Variants in MEI4 observed in about 807,000 individuals in gnomAD.
MEI4 encodes meiotic double-stranded break formation protein 4, also known as meiosis-specific protein MEI4.
Under a neutral mutation model 31.4 loss-of-function variants are expected in MEI4, and 27 were observed. That is an observed-to-expected ratio of 0.86 (90% CI 0.63 to 1.19). The LOEUF is 1.19. MEI4 is among the 50% of genes most tolerant of loss of function. The probability of loss-of-function intolerance (pLI) is 0.00; values close to 1 mark genes in which losing one functional copy is unlikely to be tolerated. For missense variants in MEI4, 329 were observed against 398.9 expected (o/e 0.82, Z 1.49); for synonymous variants, 122 against 145.4 (o/e 0.84, Z 1.16).
intron 4 of MEI4, among the ~76,000 whole-genome samples, chr6:77,882,364 A>T (rs1223020338): frequency 6.6e-6 from 1 of 152,166 alleles, no homozygotes; most frequent in East Asian, 1.9e-4. Flanking sequence ...AATCTCCATC[A>T]TTTCCACATT....
chr6:77,665,550 G>A (rs1181686716), intron 1 of MEI4, among the ~76,000 whole-genome samples: 2 of 152,188 alleles, frequency 1.3e-5, no homozygotes, highest in African/African-American at 4.8e-5. Context: ...CCCCAGAAGA[G>A]CGGGATTTGC....
chr6:77,653,890 G>A (rs1056423579), intron 1 of MEI4, among the ~76,000 whole-genome samples: 2 of 152,152 alleles, frequency 1.3e-5, no homozygotes, highest in African/African-American at 2.4e-5. Context: ...CAGTATAAGT[G>A]ACAGTATGTA....
At chr6:77,675,166 A>G (rs1383270748) in intron 1 of MEI4, among the ~76,000 whole-genome samples, 1 of 151,992 alleles carries the variant, frequency 6.6e-6, no homozygotes, top group Non-Finnish European at 1.5e-5. Flanking sequence ...TTATGTTTGC[A>G]TAGTATTTTC....
intron 4 of MEI4, among the ~76,000 whole-genome samples, chr6:77,839,366 C>T (rs1011431951): frequency 2.6e-5 from 4 of 152,060 alleles, no homozygotes; most frequent in Non-Finnish European, 5.9e-5. Context: ...GGTGAATCTT[C>T]CTACACAGAA....
chr6:77,883,148 A>G (rs1407895889), intron 4 of MEI4, among the ~76,000 whole-genome samples: 1 of 151,942 alleles, frequency 6.6e-6, no homozygotes, highest in Non-Finnish European at 1.5e-5. Context: ...TCTGAAAAAA[A>G]GATGAGAAGA....
intron 4 of MEI4, among the ~76,000 whole-genome samples, chr6:77,918,173 T>C (rs1766611900): frequency 6.6e-6 from 1 of 151,868 alleles, no homozygotes; most frequent in South Asian, 2.1e-4. Context: ...TACTGTAGCC[T>C]TGTAGTATAG....
intron 4 of MEI4, among the ~76,000 whole-genome samples, chr6:77,894,636 G>A (rs1332522026): frequency 6.6e-6 from 1 of 152,146 alleles, no homozygotes; most frequent in Non-Finnish European, 1.5e-5. Context: ...ATAATCTGAG[G>A]CTGATAAAAT....
chr6:77,887,553 T>A (rs1771655982), intron 4 of MEI4, among the ~76,000 whole-genome samples: 1 of 152,144 alleles, frequency 6.6e-6, no homozygotes. Flanking sequence ...CCCCTCAGCC[T>A]CCCAAAGTGC....
At chr6:77,690,009 G>C (rs1769129503) in intron 1 of MEI4, among the ~76,000 whole-genome samples, 1 of 151,924 alleles carries the variant, frequency 6.6e-6, no homozygotes, top group Non-Finnish European at 1.5e-5. Flanking sequence ...ACACACTGTT[G>C]GTTTGGAAAA....
intron 4 of MEI4, among the ~76,000 whole-genome samples, chr6:77,897,909 G>A (rs1013184331): frequency 4.0e-5 from 6 of 151,874 alleles, no homozygotes; most frequent in African/African-American, 1.4e-4. Context: ...TACTCCCTCA[G>A]TATAGGCCCA....
intron 4 of MEI4, among the ~76,000 whole-genome samples, chr6:77,860,188 A>C (rs1770834728): frequency 6.6e-6 from 1 of 152,168 alleles, no homozygotes; most frequent in Non-Finnish European, 1.5e-5. Flanking sequence ...CAGAATGTGG[A>C]TTTTTCTAGC....
chr6:77,910,872 CCTA>C (rs1766418469), intron 4 of MEI4, among the ~76,000 whole-genome samples: 1 of 149,614 alleles, frequency 6.7e-6, no homozygotes, highest in Non-Finnish European at 1.5e-5. Context: ...AATTTGCATT[CCTA>C]CTAACAGTAC....
At chr6:77,651,529 C>T (rs1768300826), upstream of MEI4, among the ~76,000 whole-genome samples, 2 of 152,170 alleles carry the variant, frequency 1.3e-5, no homozygotes, top group African/African-American at 4.8e-5. Context: ...TGATTACACA[C>T]ATTGATCACT....
intron 1 of MEI4, among the ~76,000 whole-genome samples, chr6:77,658,004 T>C (rs1768428807): frequency 6.6e-6 from 1 of 152,220 alleles, no homozygotes; most frequent in African/African-American, 2.4e-5. Flanking sequence ...GATTGAATCA[T>C]GGCTGTATAG....
At chr6:77,714,354 A>G (rs1172099540) in intron 2 of MEI4, among the ~76,000 whole-genome samples, 2 of 152,206 alleles carry the variant, frequency 1.3e-5, no homozygotes, top group African/African-American at 4.8e-5. Flanking sequence ...TCTTTATAAC[A>G]TGAATGTCTG....
intron 2 of MEI4, among the ~76,000 whole-genome samples, chr6:77,737,418 G>A (rs1416880667): frequency 6.6e-6 from 1 of 151,980 alleles, no homozygotes; most frequent in African/African-American, 2.4e-5. Context: ...GAAATATTGA[G>A]CTCTTAACAA....
chr6:77,798,738 C>T (rs1244241969), intron 3 of MEI4, among the ~76,000 whole-genome samples: 19 of 147,800 alleles, frequency 1.3e-4, no homozygotes, highest in East Asian at 4.1e-4. Context: ...TGAGAATATG[C>T]GGTGTTTGGT....
At chr6:77,728,820 A>G (rs544201862) in intron 2 of MEI4, among the ~76,000 whole-genome samples, 2 of 152,298 alleles carry the variant, frequency 1.3e-5, no homozygotes, top group African/African-American at 4.8e-5. Context: ...GAGACAGAGG[A>G]AACACCTGTT....
chr6:77,763,247 T>A (rs1238288274), intron 3 of MEI4, among the ~76,000 whole-genome samples: 2 of 152,022 alleles, frequency 1.3e-5, no homozygotes, highest in Non-Finnish European at 2.9e-5. Context: ...GTCTTGGAGG[T>A]GCAAGCTGTG....
Sources: gnomAD v4.1 joint callset for allele counts (sites outside exome capture counted in the v4.1 genomes callset) on GRCh38, gnomAD v4.1.1 for gene constraint, MANE v1.5 for transcripts, NCBI Gene and HGNC (gene_info 2026-07-23, HGNC 2026-07-21) for gene names.